Variants in MAN2A1 observed in about 807,000 individuals in gnomAD.
The protein encoded by MAN2A1 is alpha-mannosidase 2.
Under a neutral mutation model 142.6 loss-of-function variants are expected in MAN2A1, and 76 were observed. The observed-to-expected ratio is 0.53, with a 90% CI of 0.44 to 0.65. The LOEUF (loss-of-function observed/expected upper bound fraction) is 0.65, where lower values mean the gene tolerates loss of function less well. Ranked by LOEUF, MAN2A1 falls within the 30% of genes least tolerant of loss-of-function variation. MAN2A1 has a pLI of 0.00. For synonymous variants in MAN2A1, 559 were observed against 473.2 expected, an observed-to-expected ratio of 1.18 and a Z score of -2.35; for missense variants, 1,311 against 1,365.1, an observed-to-expected ratio of 0.96 and a Z score of 0.62.
rs575714219 is a variant in MAN2A1, at chr5:109,692,819, G to A, written c.135+2267G>A. Among the ~76,000 whole-genome samples the A allele has an allele frequency of 1.5e-4, 22 of 150,808 alleles. No homozygotes were observed. In the Admixed American group the frequency reaches 1.5e-3, roughly 10 times the overall value. On this transcript the variant is annotated intron_variant, in intron 1 of 21. Transcript: ENST00000261483. The stretch of plus-strand genomic sequence containing the variant: ...GGGGATGGGGGGAGTCGGGGGTTTC[G>A]GGGGATGGTTTGGGGATGAAGCTGT...
intron 8 of MAN2A1, among the ~76,000 whole-genome samples, chr5:109,777,730 T>G (rs190734333): frequency 1.4e-3 from 212 of 152,210 alleles, no homozygotes; most frequent in African/African-American, 4.9e-3. Context: ...TGAAATGGAT[T>G]GCTGTGAATT....
At chr5:109,817,865 A>G (rs1009625903) in intron 13 of MAN2A1, among the ~76,000 whole-genome samples, 4 of 152,150 alleles carry the variant, frequency 2.6e-5, no homozygotes, top group East Asian at 1.9e-4. Context: ...TGCAAAGGTG[A>G]CATAACACAC....
chr5:109,842,806 G>GTTTTTTTTTTTTTTTTTTTTTTTTTT (rs768238978), intron 17 of MAN2A1, among the ~76,000 whole-genome samples: 4 of 116,214 alleles, frequency 3.4e-5, no homozygotes, highest in Non-Finnish European at 6.9e-5. Flanking sequence ...TACTTATTGG[G>GTTTTTTTTTTTTTTTTTTTTTTTTTT]TTTTTTTTTT....
intron 20 of MAN2A1, among the ~76,000 whole-genome samples, chr5:109,856,566 T>G (rs1426597376): frequency 6.6e-6 from 1 of 152,182 alleles, no homozygotes; most frequent in African/African-American, 2.4e-5. Flanking sequence ...GATGAAGACC[T>G]CTTGTATTTG....
chr5:109,716,232 T>TGA lies in MAN2A1; in HGVS notation c.503_504insGA (p.Phe169ThrfsTer14). 6.2e-7 allele frequency: 1 copy of TGA among 1,607,586 alleles called. No individual in the cohort carries two copies. Among genetic ancestry groups the TGA allele is most frequent in the Non-Finnish European group, 8.5e-7 (1 of 1,176,726 alleles). On this transcript the variant is annotated frameshift_variant, in exon 3 of 22. Transcript: ENST00000261483. LOFTEE classifies it high-confidence loss of function. ...GAATGGGACACTGAACCCCTTCAAGTCTTTGTGGTGCCTCATTCCCATAAC... is the reference window on the plus strand; with the variant it reads ...GAATGGGACACTGAACCCCTTCAAGTGACTTTGTGGTGCCTCATTCCCATAAC...
At chr5:109,738,603 A>G (rs1752176094) in intron 4 of MAN2A1, among the ~76,000 whole-genome samples, 2 of 152,126 alleles carry the variant, frequency 1.3e-5, no homozygotes, top group Admixed American at 1.3e-4. Context: ...CAAGTTATTT[A>G]ACTTCTCTAT....
At chr5:109,777,381 A>G (rs1044772663) in intron 8 of MAN2A1, among the ~76,000 whole-genome samples, 2 of 151,782 alleles carry the variant, frequency 1.3e-5, no homozygotes, top group African/African-American at 4.8e-5. Context: ...TGAAGTACCT[A>G]TTTAAGTCTT....
chr5:109,716,976 G>T (rs1251089254), intron 3 of MAN2A1, among the ~76,000 whole-genome samples: 3 of 152,082 alleles, frequency 2.0e-5, no homozygotes, highest in African/African-American at 4.8e-5. Flanking sequence ...AAGATGAGGG[G>T]AAGTTGTTTC....
At chr5:109,740,859 C>T (rs956653696) in intron 4 of MAN2A1, among the ~76,000 whole-genome samples, 16 of 152,148 alleles carry the variant, frequency 1.1e-4, no homozygotes, top group Admixed American at 2.6e-4. Context: ...CTGCGGATGG[C>T]CTGTTTCTCC....
At chr5:109,850,789 A>G (rs747343364) in intron 19 of MAN2A1, among the ~76,000 whole-genome samples, 3 of 152,186 alleles carry the variant, frequency 2.0e-5, no homozygotes, top group Non-Finnish European at 4.4e-5. Context: ...ATAGTAATTG[A>G]TTTAAATTTA....
At chr5:109,846,169 G>A (rs550164143) in intron 18 of MAN2A1, among the ~76,000 whole-genome samples, 163 bp downstream of exon 18, 1 of 152,242 alleles carries the variant, frequency 6.6e-6, no homozygotes. Flanking sequence ...TGGGTTTTGT[G>A]AGAACAACAT....
At chr5:109,774,723 G>T in intron 7 of MAN2A1, 65 bp from the exon 8 acceptor site, 1 of 1,200,960 alleles carries the variant, frequency 8.3e-7, no homozygotes, top group South Asian at 1.4e-5. Context: ...TTAATCAATT[G>T]TCACATTCAC....
intron 20 of MAN2A1, among the ~76,000 whole-genome samples, chr5:109,859,637 T>G (rs927254658): frequency 1.6e-4 from 24 of 152,160 alleles, no homozygotes; most frequent in Admixed American, 1.3e-3. Context: ...TGAACACCAC[T>G]GAAATACACT....
intron 16 of MAN2A1, among the ~76,000 whole-genome samples, chr5:109,828,832 G>T (rs1273897180): frequency 6.6e-6 from 1 of 152,176 alleles, no homozygotes; most frequent in Non-Finnish European, 1.5e-5. Flanking sequence ...AAAAAGTATG[G>T]AAGGAAAGAC....
At chr5:109,735,298 C>G (rs1428616277) in intron 4 of MAN2A1, among the ~76,000 whole-genome samples, 1 of 149,180 alleles carries the variant, frequency 6.7e-6, no homozygotes, top group African/African-American at 2.5e-5. Context: ...CTGAATACAG[C>G]ACACTGATGG....
At chr5:109,788,809 A>G (rs1753664126) in intron 10 of MAN2A1, 125 bp from the exon 11 acceptor site, 6 of 597,738 alleles carry the variant, frequency 1.0e-5, no homozygotes, top group African/African-American at 3.8e-5. Flanking sequence ...TCATAGATTC[A>G]TTATAGGTTT....
At chr5:109,778,963 A>G (rs1219546715) in intron 8 of MAN2A1, among the ~76,000 whole-genome samples, 1 of 152,052 alleles carries the variant, frequency 6.6e-6, no homozygotes, top group Admixed American at 6.6e-5. Context: ...AATTTTTCTT[A>G]TGTGTTGTCC....
intron 20 of MAN2A1, among the ~76,000 whole-genome samples, chr5:109,856,833 G>C (rs1440125322): frequency 6.6e-6 from 1 of 151,994 alleles, no homozygotes; most frequent in African/African-American, 2.4e-5. Context: ...GAACTTGCAG[G>C]ATTTATTTCC....
intron 5 of MAN2A1, among the ~76,000 whole-genome samples, chr5:109,766,643 C>T (rs1340958646): frequency 6.6e-6 from 1 of 151,980 alleles, no homozygotes; most frequent in Non-Finnish European, 1.5e-5. Context: ...GTTTTTGTAA[C>T]TGTGGGGTCT....
Sources: allele counts gnomAD v4.1 joint callset (sites outside exome capture counted in the v4.1 genomes callset), GRCh38; gene constraint gnomAD v4.1.1; transcripts MANE v1.5; gene names NCBI Gene and HGNC (gene_info 2026-07-23, HGNC 2026-07-21).